SMCHD1: variants seen among roughly 807,000 people sequenced by gnomAD.
SMCHD1 encodes the protein structural maintenance of chromosomes flexible hinge domain containing 1.
In SMCHD1, 78 loss-of-function variants were observed where a neutral mutation model predicts 254.7. The ratio of observed to expected loss-of-function variants is 0.31; its 90% CI spans 0.26 to 0.37. The LOEUF is 0.37. Among genes scored for constraint, SMCHD1 ranks in the 10% least tolerant of loss-of-function variants. The probability of loss-of-function intolerance (pLI) is 1.00; values close to 1 mark genes in which losing one functional copy is unlikely to be tolerated. For synonymous variants in SMCHD1, 766 were observed against 794.9 expected (o/e 0.96, Z 0.61); for missense variants, 1,840 against 2,408.1 (o/e 0.76, Z 4.94).
At chr18:2,795,472 C>A (rs1336379701) in intron 45 of SMCHD1, among the ~76,000 whole-genome samples, 5 of 152,148 alleles carry the variant, frequency 3.3e-5, no homozygotes, top group Admixed American at 2.6e-4. Context: ...CAAGTTTGAA[C>A]CACAGCATGC....
At chr18:2,671,860 A>G (rs1249071668) in intron 3 of SMCHD1, among the ~76,000 whole-genome samples, 1 of 151,776 alleles carries the variant, frequency 6.6e-6, no homozygotes, top group African/African-American at 2.4e-5. Flanking sequence ...GGCCTCCCAA[A>G]GTGCTGGGAT....
chr18:2,792,336 A>G (rs764590340), intron 45 of SMCHD1, among the ~76,000 whole-genome samples: 9 of 152,242 alleles, frequency 5.9e-5, no homozygotes, highest in South Asian at 2.1e-4. Flanking sequence ...ACAGTTTTGT[A>G]GTCTTGGAGC....
chr18:2,707,403 A>G, intron 15 of SMCHD1, 160 bp from the exon 16 acceptor site: 1 of 402,836 alleles, frequency 2.5e-6, no homozygotes. Flanking sequence ...ATGGTTAGGG[A>G]GGAAAAAAAT....
intron 5 of SMCHD1, among the ~76,000 whole-genome samples, chr18:2,678,610 C>T (rs533290158): frequency 5.3e-5 from 8 of 152,234 alleles, no homozygotes; most frequent in South Asian, 2.1e-4. Context: ...AGCCCCACCG[C>T]GCCTGGCTTG....
chr18:2,777,698 TTGTA>T lies in SMCHD1; in HGVS notation c.5367-105_5367-102del, dbSNP rs747846841. ...TCACTTGTGGTGGATTGGGAATTGA[TTGTA>T]TGATCAAAATGATGTGCAATATATT... On this transcript the variant is annotated intron_variant, in intron 42 of 47. Coordinates refer to ENST00000320876, the MANE Select transcript of SMCHD1 (RefSeq NM_015295.3). 20 of 583,184 alleles carry T rather than the reference TTGTA, an allele frequency of 3.4e-5. No individual in the cohort carries two copies. In the East Asian group the frequency reaches 5.5e-4, roughly 16 times the overall value. The allele number at this position is 583,184 out of a possible 1,614,324, so 36.1% of individuals were successfully genotyped here. A position where few individuals can be genotyped will look rare whatever the true frequency, so the allele number is the denominator to read the frequency against.
chr18:2,784,419 T>G (rs1458484963), intron 44 of SMCHD1, 31 bp from the exon 45 acceptor site: 8 of 1,547,058 alleles, frequency 5.2e-6, no homozygotes, highest in Non-Finnish European at 7.0e-6. Flanking sequence ...AATAAGTTGC[T>G]CACTACTTAC....
rs1357150972 is a variant in SMCHD1, at chr18:2,714,943, A to G, written c.2261-3215A>G. Among the ~76,000 whole-genome samples, 5 of 152,364 alleles carry G rather than the reference A, an allele frequency of 3.3e-5. No homozygotes were observed. The East Asian group carries it at 9.6e-4, about 29-fold the overall frequency. The stretch of plus-strand genomic sequence containing the variant: ...ACAAAATGCCAGTCTCTACTAGCTT[A>G]TAAGGTACCTGCTGTGAAATCTGCT... On this transcript the variant is annotated intron_variant, in intron 17 of 47. Transcript: ENST00000320876.
intron 25 of SMCHD1, among the ~76,000 whole-genome samples, chr18:2,734,070 G>T (rs891219979): frequency 6.6e-6 from 1 of 152,154 alleles, no homozygotes; most frequent in Non-Finnish European, 1.5e-5. Context: ...TTAGCCACGG[G>T]TTCAACTGAC....
At chr18:2,738,307 A>T in intron 25 of SMCHD1, 90 bp from the exon 26 acceptor site, 2 of 1,198,426 alleles carry the variant, frequency 1.7e-6, no homozygotes. Context: ...AAGAAGACGG[A>T]TTATAATGTA....
chr18:2,784,678 C>T (rs57591709), intron 45 of SMCHD1, 57 bp downstream of exon 45: 2 of 1,435,558 alleles, frequency 1.4e-6, no homozygotes, highest in Non-Finnish European at 1.9e-6. Flanking sequence ...TCTTATTTTT[C>T]TAAGAGCTTA....
intron 28 of SMCHD1, among the ~76,000 whole-genome samples, chr18:2,741,744 C>T (rs940373014): frequency 6.6e-6 from 1 of 152,062 alleles, no homozygotes. Flanking sequence ...ATAAACAATC[C>T]CTGCTTCCTA....
intron 45 of SMCHD1, among the ~76,000 whole-genome samples, chr18:2,788,661 G>C (rs887960801): frequency 6.6e-6 from 1 of 152,112 alleles, no homozygotes; most frequent in Non-Finnish European, 1.5e-5. Flanking sequence ...ATGGAGTGCA[G>C]TGGCTTGATC....
chr18:2,788,144 A>G (rs2084090084), intron 45 of SMCHD1, among the ~76,000 whole-genome samples: 1 of 152,060 alleles, frequency 6.6e-6, no homozygotes, highest in African/African-American at 2.4e-5. Flanking sequence ...GAGGAAGGCC[A>G]TCACCATAAA....
At chr18:2,691,110 C>T (rs997461989) in intron 7 of SMCHD1, among the ~76,000 whole-genome samples, 5 of 151,794 alleles carry the variant, frequency 3.3e-5, no homozygotes, top group African/African-American at 7.3e-5. Context: ...TAACAAATTG[C>T]ATATTTTGAT....
At position 2,718,249 on chromosome 18, in the gene SMCHD1, C is replaced by T. The variant is rs1267963548; in HGVS notation, c.2338+14C>T. The T allele has an allele frequency of 2.5e-6, 4 of 1,611,486 alleles. No homozygotes were observed. In the Admixed American group the frequency reaches 5.0e-5, roughly 20 times the overall value. On this transcript the variant is annotated intron_variant, in intron 18 of 47. Transcript: ENST00000320876. This position sits in a 1 kb window ranked among gnomAD's most constrained non-coding sequence, Gnocchi z 4.6. ...TTAAAAAAATGGGTGAGTTCTTATT[C>T]TGAATGTTAAAAAATACATTGGTAT...
At chr18:2,698,364 T>G (rs1029684018) in intron 10 of SMCHD1, among the ~76,000 whole-genome samples, 1 of 152,186 alleles carries the variant, frequency 6.6e-6, no homozygotes, top group Non-Finnish European at 1.5e-5. Flanking sequence ...CTTTATGCAG[T>G]CATATTTACT....
At chr18:2,723,872 G>A (rs892454787) in intron 20 of SMCHD1, among the ~76,000 whole-genome samples, 1 of 152,008 alleles carries the variant, frequency 6.6e-6, no homozygotes, top group African/African-American at 2.4e-5. Context: ...CTGGGCACTC[G>A]ATGGTAGAGA....
At chr18:2,795,884 TC>T in intron 45 of SMCHD1, 64 bp from the exon 46 acceptor site, 1 of 1,409,332 alleles carries the variant, frequency 7.1e-7, no homozygotes. Flanking sequence ...GCTCATTTTT[TC>T]CCCTAAAACA....
chr18:2,801,325 G>T (rs1363528096), intron 47 of SMCHD1: 1 of 152,148 alleles, frequency 6.6e-6, no homozygotes, highest in Non-Finnish European at 1.5e-5. Flanking sequence ...TAGTACATGG[G>T]GAGACACACA....
Sources: allele counts gnomAD v4.1 joint callset (sites outside exome capture counted in the v4.1 genomes callset), GRCh38; gene constraint gnomAD v4.1.1; non-coding constraint Gnocchi (gnomAD v3.1); transcripts MANE v1.5; gene names NCBI Gene and HGNC (gene_info 2026-07-23, HGNC 2026-07-21).